AHCYL2: variants seen among roughly 807,000 people sequenced by gnomAD.
AHCYL2 encodes S-adenosylhomocysteine hydrolase-like protein 2.
AHCYL2 carries 28 observed loss-of-function variants against 81.4 expected under a neutral mutation model. The ratio of observed to expected loss-of-function variants is 0.34; its 90% CI spans 0.25 to 0.47. The LOEUF is 0.47. Among genes scored for constraint, AHCYL2 ranks in the 20% least tolerant of loss-of-function variants. The probability of loss-of-function intolerance (pLI) is 1.00; values close to 1 mark genes in which losing one functional copy is unlikely to be tolerated. For synonymous variants in AHCYL2, 272 were observed against 290.2 expected (o/e 0.94, Z 0.64); for missense variants, 551 against 785.1 (o/e 0.70, Z 3.56).
Position 129,305,330 on chromosome 7 carries a change from C to T in AHCYL2, c.364-74308C>T, listed in dbSNP as rs145171108. Among the ~76,000 whole-genome samples, 777 of 152,112 alleles carry T rather than the reference C, an allele frequency of 5.1e-3. 11 individuals are homozygous for T. Among genetic ancestry groups the T allele is most frequent in the African/African-American group, 0.018 (743 of 41,502 alleles). ...CAAAAATTAGCTGAGCATGGTGGCACGTGCCTGTAGTCCCAGCTACTTGGG... is the reference window on the plus strand; with the variant it reads ...CAAAAATTAGCTGAGCATGGTGGCATGTGCCTGTAGTCCCAGCTACTTGGG... On this transcript the variant is annotated intron_variant, in intron 1 of 16. Coordinates refer to ENST00000325006, the MANE Select transcript of AHCYL2 (RefSeq NM_015328.4).
intron 5 of AHCYL2, among the ~76,000 whole-genome samples, chr7:129,399,141 C>CGA (rs1795894884): frequency 4.4e-5 from 2 of 44,968 alleles, no homozygotes; most frequent in East Asian, 1.3e-3. Context: ...GACTCCATCT[C>CGA]AAAAAAAAAA....
At chr7:129,410,552 G>A (rs1216276015) in intron 11 of AHCYL2, among the ~76,000 whole-genome samples, 6 of 152,264 alleles carry the variant, frequency 3.9e-5, no homozygotes, top group South Asian at 2.1e-4. Flanking sequence ...CCCCTTCCCC[G>A]GGAAGCCAGA....
intron 1 of AHCYL2, among the ~76,000 whole-genome samples, chr7:129,249,442 G>A (rs537678482): frequency 2.0e-5 from 3 of 149,460 alleles, no homozygotes; most frequent in East Asian, 2.0e-4. Flanking sequence ...TTTTTGAGAC[G>A]GAGTCTTGCT....
At chr7:129,236,719 C>G (rs1326364426) in intron 1 of AHCYL2, among the ~76,000 whole-genome samples, 1 of 152,222 alleles carries the variant, frequency 6.6e-6, no homozygotes, top group Non-Finnish European at 1.5e-5. Context: ...ACAACTCTTT[C>G]ACCATACATT....
In AHCYL2 at chr7:129,385,606, T is replaced by C. The variant is rs112450286; in HGVS notation, c.476-3450T>C. Among the ~76,000 whole-genome samples the C allele has an allele frequency of 6.4e-4, 97 of 152,350 alleles. 1 individual carries two copies. Among genetic ancestry groups the C allele is most frequent in the Non-Finnish European group, 1.1e-3 (75 of 68,038 alleles). On this transcript the variant is annotated intron_variant, in intron 2 of 16. Coordinates refer to ENST00000325006, the MANE Select transcript of AHCYL2 (RefSeq NM_015328.4). Reference sequence around the variant, plus strand: ...CGTAGAAACTGAACCCTTTTGGTTATCATCTCATTTATTCGTAAGATTTTT... The same window carrying C: ...CGTAGAAACTGAACCCTTTTGGTTACCATCTCATTTATTCGTAAGATTTTT...
At chr7:129,418,521 G>A (rs560348373) in intron 12 of AHCYL2, among the ~76,000 whole-genome samples, 96 of 152,166 alleles carry the variant, frequency 6.3e-4, no homozygotes, top group South Asian at 1.7e-3. Flanking sequence ...GGCTGGTCTC[G>A]ATCTCCTGAC....
chr7:129,228,160 G>A (rs1231750198), intron 1 of AHCYL2, among the ~76,000 whole-genome samples: 2 of 152,308 alleles, frequency 1.3e-5, no homozygotes, highest in African/African-American at 2.4e-5. Flanking sequence ...TATTGAAATA[G>A]CTGCCTTTGG....
intron 1 of AHCYL2, among the ~76,000 whole-genome samples, chr7:129,229,344 G>T (rs1794338631): frequency 6.6e-6 from 1 of 152,220 alleles, no homozygotes. Context: ...TGGGATTACA[G>T]ATGTGAGCCA....
At chr7:129,338,782 T>G (rs549320188) in intron 1 of AHCYL2, among the ~76,000 whole-genome samples, 1 of 152,364 alleles carries the variant, frequency 6.6e-6, no homozygotes, top group Admixed American at 6.5e-5. Flanking sequence ...AAAAGGTCCT[T>G]TGTAATATGA....
At chr7:129,243,301 G>A (rs1297287865) in intron 1 of AHCYL2, among the ~76,000 whole-genome samples, 1 of 152,040 alleles carries the variant, frequency 6.6e-6, no homozygotes, top group Non-Finnish European at 1.5e-5. Context: ...GGGATTACAG[G>A]CGTGAGCCAC....
intron 1 of AHCYL2, among the ~76,000 whole-genome samples, chr7:129,358,694 G>A (rs562157141): frequency 3.0e-4 from 45 of 152,270 alleles, no homozygotes; most frequent in African/African-American, 1.1e-3. Context: ...CAATGTGAAT[G>A]TACTTAATGC....
chr7:129,359,363 C>T (rs1011652540), intron 1 of AHCYL2, among the ~76,000 whole-genome samples: 2 of 152,214 alleles, frequency 1.3e-5, no homozygotes, highest in South Asian at 2.1e-4. Flanking sequence ...AACTGATAGG[C>T]GACCTATGAG....
At chr7:129,246,065 T>G (rs1003181831) in intron 1 of AHCYL2, among the ~76,000 whole-genome samples, 1 of 151,876 alleles carries the variant, frequency 6.6e-6, no homozygotes, top group Non-Finnish European at 1.5e-5. Flanking sequence ...TGGATTTGTT[T>G]TTTTTTTTTT....
intron 1 of AHCYL2, among the ~76,000 whole-genome samples, chr7:129,301,224 T>C (rs957533312): frequency 5.3e-5 from 8 of 152,222 alleles, no homozygotes; most frequent in Admixed American, 4.6e-4. Flanking sequence ...TTTGTTTCCA[T>C]AGGGTTGTTT....
At chr7:129,340,108 G>C (rs983244892) in intron 1 of AHCYL2, among the ~76,000 whole-genome samples, 1 of 147,502 alleles carries the variant, frequency 6.8e-6, no homozygotes, top group Non-Finnish European at 1.5e-5. Flanking sequence ...TTTTTTAGTA[G>C]AGGCAGGGTT....
At chr7:129,245,925 A>G (rs894196975) in intron 1 of AHCYL2, among the ~76,000 whole-genome samples, 1 of 152,230 alleles carries the variant, frequency 6.6e-6, no homozygotes, top group African/African-American at 2.4e-5. Flanking sequence ...CAAAACTGTC[A>G]TACCGTTTTC....
chr7:129,421,122 G>A (rs548419571), intron 12 of AHCYL2, among the ~76,000 whole-genome samples: 15 of 152,128 alleles, frequency 9.9e-5, no homozygotes, highest in African/African-American at 3.4e-4. Context: ...CATGATGGCA[G>A]GTGCCTATAA....
At chr7:129,348,612 CATG>C (rs1225811855) in intron 1 of AHCYL2, among the ~76,000 whole-genome samples, 1 of 152,116 alleles carries the variant, frequency 6.6e-6, no homozygotes, top group Non-Finnish European at 1.5e-5. Flanking sequence ...ATGGGATTAT[CATG>C]AGGATTAAAT....
chr7:129,417,996 TA>T (rs1299637421), intron 12 of AHCYL2, among the ~76,000 whole-genome samples: 1 of 152,206 alleles, frequency 6.6e-6, no homozygotes, highest in African/African-American at 2.4e-5. Flanking sequence ...GATAACACTT[TA>T]AAAAACCTGA....
Sources: gnomAD v4.1 joint callset for allele counts (sites outside exome capture counted in the v4.1 genomes callset) on GRCh38, gnomAD v4.1.1 for gene constraint, MANE v1.5 for transcripts, NCBI Gene and HGNC (gene_info 2026-07-23, HGNC 2026-07-21) for gene names.